YBX3: variants seen among roughly 807,000 people sequenced by gnomAD.
The protein encoded by YBX3 is Y-box-binding protein 3.
YBX3 carries 29 observed loss-of-function variants against 42.4 expected under a neutral mutation model. The observed-to-expected ratio is 0.68, with a 90% CI of 0.51 to 0.93. The LOEUF (loss-of-function observed/expected upper bound fraction) is 0.93. Among genes scored for constraint, YBX3 ranks in the 40% least tolerant of loss-of-function variants. The pLI is 0.00. For synonymous variants in YBX3, 195 were observed against 189.8 expected (o/e 1.03, Z -0.22); for missense variants, 517 against 527.5 (o/e 0.98, Z 0.19).
intron 5 of YBX3, chr12:10,711,136 T>C (rs1948195489): frequency 6.6e-6 from 1 of 152,064 alleles, no homozygotes; most frequent in Non-Finnish European, 1.5e-5. Context: ...ACAAAGGAAT[T>C]TACCGATTCA....
chr12:10,721,648 A>G (rs999717772), intron 1 of YBX3, among the ~76,000 whole-genome samples: 2 of 152,152 alleles, frequency 1.3e-5, no homozygotes, highest in African/African-American at 4.8e-5. Flanking sequence ...AAAAAAAACA[A>G]GAAAATAGTC....
chr12:10,701,643 G>A (rs1948080425), intron 8 of YBX3, among the ~76,000 whole-genome samples: 1 of 152,038 alleles, frequency 6.6e-6, no homozygotes, highest in Admixed American at 6.5e-5. Flanking sequence ...TCTCCATAAA[G>A]TCTGATATAC....
rs1948350703 is a variant in YBX3, at chr12:10,723,001, GC to G, written c.110del (p.Gly37AlafsTer37). On this transcript the variant is annotated frameshift_variant, in exon 1 of 10. Transcript: ENST00000228251. LOFTEE classifies it high-confidence loss of function. ...PQDPAPKSPV[G>X]SGAPQAAAPA... ...GGGCCGCGGCCTGGGGCGCACCGCT[GC>G]CCACCGGGCTCTTGGGCGCGGGGTC... 1 of 1,209,994 alleles carries G rather than the reference GC, an allele frequency of 8.3e-7. No individual in the cohort carries two copies. Among genetic ancestry groups the G allele is most frequent in the East Asian group, 3.5e-5 (1 of 28,826 alleles). 75.0% of individuals were successfully genotyped at this position (1,209,994 alleles called of 1,614,324 possible).
chr12:10,723,207 G>A lies in YBX3; in HGVS notation c.-96C>T, dbSNP rs965953097. 5.1e-6 allele frequency: 6 copies of A among 1,175,130 alleles called. No individual in the cohort carries two copies. In the African/African-American group the frequency reaches 9.7e-5, roughly 19 times the overall value. The allele number at this position is 1,175,130 out of a possible 1,614,324, so 72.8% of individuals were successfully genotyped here. A position where few individuals can be genotyped will look rare whatever the true frequency, so the allele number is the denominator to read the frequency against. On this transcript the variant is annotated 5_prime_UTR_variant, in exon 1 of 10. Transcript: ENST00000228251. ...CGCGGCGGCCGGGGCTCGCTCTCGG[G>A]GAGGCCGGGGCGGATCTCGCGGCGC...
chr12:10,709,209 T>C lies in YBX3; in HGVS notation c.780+699A>G, dbSNP rs186304915. Among the ~76,000 whole-genome samples, 49 of 152,238 alleles carry C rather than the reference T, an allele frequency of 3.2e-4. 1 individual carries two copies. The highest frequency in any genetic ancestry group is 2.8e-3 in the Admixed American group (43 of 15,302). Reference sequence around the variant, plus strand: ...CCCAACGACACTGAGGAGAAAAAAGTTGTGGCTACTGATAACAAAAATGAT... The same window carrying C: ...CCCAACGACACTGAGGAGAAAAAAGCTGTGGCTACTGATAACAAAAATGAT... On this transcript the variant is annotated intron_variant, in intron 6 of 9. Coordinates refer to ENST00000228251, the MANE Select transcript of YBX3 (RefSeq NM_003651.5).
chr12:10,714,067 T>G (rs1555160363), intron 4 of YBX3, among the ~76,000 whole-genome samples: 1 of 152,198 alleles, frequency 6.6e-6, no homozygotes, highest in Non-Finnish European at 1.5e-5. Flanking sequence ...AAAACAATTT[T>G]TTAAAAATTG....
intron 7 of YBX3, 187 bp from the exon 8 acceptor site, chr12:10,702,321 G>A (rs1948091154): frequency 7.3e-6 from 3 of 410,540 alleles, no homozygotes; most frequent in Non-Finnish European, 1.3e-5. Flanking sequence ...AGGAGTTTGA[G>A]ACCAGCCTGG....
In YBX3 at chr12:10,723,095, T is replaced by A. The variant is rs1311683857; in HGVS notation, c.17A>T (p.Glu6Val). The part of the protein sequence containing the change: MSEAG[E>V]ATTTTTTTLP... ...GGTGGTGGTGGTGGTGGTGGTGGCC[T>A]CGCCCGCCTCACTCATGCCTCCTCC... Residue 6 changes from glutamate (E) to valine (V), a missense_variant, in exon 1 of 10, where the codon GAG becomes GTG. Glu to Val is a moderately radical substitution (Grantham distance 121). Around this residue, in one of 3 missense-constraint regions of YBX3, gnomAD observed 86 missense variants for 82.5 expected, o/e 1.04. Coordinates refer to ENST00000228251, the MANE Select transcript of YBX3 (RefSeq NM_003651.5). 1.7e-6 allele frequency: 2 copies of A among 1,205,280 alleles called. No homozygotes were observed. Among genetic ancestry groups the A allele is most frequent in the Non-Finnish European group, 2.1e-6 (2 of 972,310 alleles). 74.7% of individuals were successfully genotyped at this position (1,205,280 alleles called of 1,614,324 possible). A position where few individuals can be genotyped will look rare whatever the true frequency, so the allele number is the denominator to read the frequency against.
intron 6 of YBX3, among the ~76,000 whole-genome samples, chr12:10,708,132 T>G (rs534435092): frequency 1.3e-5 from 2 of 152,204 alleles, no homozygotes; most frequent in East Asian, 1.9e-4. Flanking sequence ...TGTTGCTCCC[T>G]TCCCTCCATC....
At position 10,720,594 on chromosome 12, in the gene YBX3, T is replaced by C. The variant is rs1481791610; in HGVS notation, c.263-1451A>G. 3.3e-5 allele frequency among the ~76,000 whole-genome samples: 5 copies of C among 152,198 alleles called. No individual in the cohort carries two copies. In the South Asian group the frequency reaches 8.3e-4, roughly 25 times the overall value. On this transcript the variant is annotated intron_variant, in intron 1 of 9. Transcript: ENST00000228251. ...GTAGAGGCCTGTTTTTGATACATTA[T>C]ATGCATTTAAGTCAGGCAATATTCC...
chr12:10,715,617 A>G (rs1451253325), intron 4 of YBX3, 77 bp downstream of exon 4: 2 of 1,295,206 alleles, frequency 1.5e-6, no homozygotes, highest in East Asian at 4.6e-5. Context: ...GTCAATTCAT[A>G]AGGGGCTGAT....
chr12:10,720,447 G>C (rs1948311940), intron 1 of YBX3, among the ~76,000 whole-genome samples: 2 of 151,992 alleles, frequency 1.3e-5, no homozygotes, highest in Non-Finnish European at 2.9e-5. Flanking sequence ...TAATTCCAAA[G>C]ATCTCTCATC....
At position 10,709,999 on chromosome 12, in the gene YBX3, G is replaced by C. The variant is rs1285180782; in HGVS notation, c.689C>G (p.Pro230Arg). Residue 230 changes from proline to arginine, a missense_variant, in exon 6 of 10, where the codon CCT (proline) becomes CGT (arginine). Transcript: ENST00000228251. ...CGGGAACCGCCGCTGCCGGTACTGA[G>C]GGCGATACTGGGGGCGGCGCAGCTG... The part of the protein sequence containing the change: ...RNQLRRPQYR[P>R]QYRQRRFPPY... 3.7e-6 allele frequency: 6 copies of C among 1,612,370 alleles called. No homozygotes were observed. The highest frequency in any genetic ancestry group is 5.1e-6 in the Non-Finnish European group (6 of 1,178,294).
chr12:10,709,833 G>A (rs1352666499), intron 6 of YBX3, 75 bp downstream of exon 6: 1 of 1,545,754 alleles, frequency 6.5e-7, no homozygotes, highest in African/African-American at 1.4e-5. Flanking sequence ...GATGTTGGAG[G>A]AGGAGGAGGA....
intron 5 of YBX3, 48 bp downstream of exon 5, chr12:10,713,163 T>G: frequency 6.3e-7 from 1 of 1,581,570 alleles, no homozygotes; most frequent in Admixed American, 1.8e-5. Flanking sequence ...CTTAATTCCA[T>G]GCATGAACAA....
chr12:10,718,662 CCA>C (rs1948291121), intron 2 of YBX3, among the ~76,000 whole-genome samples: 1 of 152,200 alleles, frequency 6.6e-6, no homozygotes, highest in Non-Finnish European at 1.5e-5. Context: ...TTAAAAGTTA[CCA>C]CAGTTTACAG....
chr12:10,719,933 T>C (rs561830756), intron 1 of YBX3, among the ~76,000 whole-genome samples: 7 of 152,208 alleles, frequency 4.6e-5, no homozygotes, highest in Non-Finnish European at 1.0e-4. Flanking sequence ...CTAAACAAAA[T>C]AAAACTTCAT....
chr12:10,721,808 AC>A (rs1238792237), intron 1 of YBX3: 2 of 152,212 alleles, frequency 1.3e-5, no homozygotes, highest in African/African-American at 4.8e-5. Flanking sequence ...CCATCTGTTA[AC>A]GTTCCTGTTT....
intron 6 of YBX3, among the ~76,000 whole-genome samples, chr12:10,706,186 C>A (rs1948134891): frequency 6.6e-6 from 1 of 152,106 alleles, no homozygotes; most frequent in Non-Finnish European, 1.5e-5. Flanking sequence ...CCTTGATCTG[C>A]CCATTTAATG....
Sources: allele counts gnomAD v4.1 joint callset (sites outside exome capture counted in the v4.1 genomes callset), GRCh38; gene constraint gnomAD v4.1.1; regional missense constraint gnomAD v4.1.1; transcripts MANE v1.5; gene names NCBI Gene and HGNC (gene_info 2026-07-23, HGNC 2026-07-21).